ENAH: variants seen among roughly 807,000 people sequenced by gnomAD.
The protein encoded by ENAH is ENAH actin regulator.
Under a neutral mutation model 78.7 loss-of-function variants are expected in ENAH, and 23 were observed. That is an observed-to-expected ratio of 0.29 (90% CI 0.21 to 0.41). The LOEUF (loss-of-function observed/expected upper bound fraction) is 0.41. ENAH is among the 10% of genes least tolerant of loss of function. The pLI is 1.00. For missense variants in ENAH, 544 were observed against 691.0 expected (o/e 0.79, Z 2.39); for synonymous variants, 226 against 241.0 (o/e 0.94, Z 0.58).
rs949084105 is a variant in ENAH at position 225,562,903 on chromosome 1, G to A, written c.171+4346C>T. Among the ~76,000 whole-genome samples the A allele has an allele frequency of 2.0e-5, 3 of 151,420 alleles. No individual in the cohort carries two copies. The East Asian group carries it at 5.8e-4, about 29-fold the overall frequency. ...CAGAAGGATCACTTGAGCCCAGGAG[G>A]TCAAGGCTGCAGTGAGCTATGGTCA... On this transcript the variant is annotated intron_variant, in intron 2 of 13. Coordinates refer to ENST00000366843, the MANE Select transcript of ENAH (RefSeq NM_018212.6).
chr1:225,515,852 A>C (rs2096413375), intron 6 of ENAH, among the ~76,000 whole-genome samples: 5 of 152,244 alleles, frequency 3.3e-5, no homozygotes, highest in Admixed American at 3.3e-4. Flanking sequence ...CTGAGGGTAC[A>C]GCAGGTCACT....
intron 1 of ENAH, among the ~76,000 whole-genome samples, chr1:225,607,933 T>TA (rs2148077992): frequency 6.6e-6 from 1 of 152,028 alleles, no homozygotes; most frequent in Non-Finnish European, 1.5e-5. Context: ...GCTTTAAAAA[T>TA]AAAAACTTTT....
At chr1:225,614,834 A>G (rs957172857) in intron 1 of ENAH, among the ~76,000 whole-genome samples, 1 of 152,144 alleles carries the variant, frequency 6.6e-6, no homozygotes, top group African/African-American at 2.4e-5. Flanking sequence ...ACAATACCAC[A>G]TTTACCTATT....
chr1:225,553,388 G>T (rs1302002624), intron 3 of ENAH, among the ~76,000 whole-genome samples: 1 of 152,116 alleles, frequency 6.6e-6, no homozygotes, highest in Admixed American at 6.5e-5. Flanking sequence ...GGAACATTTA[G>T]TTTCCAATAT....
At chr1:225,644,745 C>G (rs1036523806) in intron 1 of ENAH, among the ~76,000 whole-genome samples, 1 of 152,162 alleles carries the variant, frequency 6.6e-6, no homozygotes, top group African/African-American at 2.4e-5. Context: ...TTCACATCAT[C>G]AGATGTATTC....
intron 1 of ENAH, among the ~76,000 whole-genome samples, chr1:225,636,791 T>TA (rs1308100638): frequency 6.6e-6 from 1 of 152,196 alleles, no homozygotes; most frequent in Non-Finnish European, 1.5e-5. Flanking sequence ...CCCAGCATGA[T>TA]ATAAAGTGTT....
At chr1:225,569,833 G>A (rs1484499432) in intron 1 of ENAH, among the ~76,000 whole-genome samples, 1 of 152,174 alleles carries the variant, frequency 6.6e-6, no homozygotes, top group Non-Finnish European at 1.5e-5. Flanking sequence ...TGTTATTGGA[G>A]AGGTAGTAAT....
chr1:225,560,600 T>A (rs2151463676), intron 2 of ENAH, among the ~76,000 whole-genome samples: 1 of 152,316 alleles, frequency 6.6e-6, no homozygotes, highest in East Asian at 1.9e-4. Flanking sequence ...TAGGCAGTTA[T>A]CCTGCCTCAG....
rs2096449939 is a variant in ENAH, at chr1:225,519,476, C to A, written c.524G>T (p.Arg175Met). ...CCTCTCCAGCCTTTCCCTTTCTAAC[C>A]TCTCTCTCTCCAACCTTTCTCTTTC... ...RMERERLERE[R>M]LERERLERER... The change falls in exon 5 of 14, where the codon AGG becomes ATG. Residue 175 changes from arginine to methionine, a missense_variant. By Grantham distance (91) the Arg-to-Met change is moderately conservative (BLOSUM62 -1). This residue lies in a region of ENAH where 366 missense variants were observed against 396.1 expected (regional missense o/e 0.92). Coordinates refer to ENST00000366843, the MANE Select transcript of ENAH (RefSeq NM_018212.6). 5 of 1,610,146 alleles carry A rather than the reference C, an allele frequency of 3.1e-6. No homozygotes were observed. The highest frequency in any genetic ancestry group is 4.2e-6 in the Non-Finnish European group (5 of 1,178,018).
At chr1:225,561,962 C>T (rs536973437) in intron 2 of ENAH, among the ~76,000 whole-genome samples, 1 of 152,250 alleles carries the variant, frequency 6.6e-6, no homozygotes, top group East Asian at 1.9e-4. Flanking sequence ...CCTCACTGTG[C>T]TCTATTTTAC....
chr1:225,632,625 T>C (rs1659301358), intron 1 of ENAH, among the ~76,000 whole-genome samples: 1 of 152,230 alleles, frequency 6.6e-6, no homozygotes, highest in Non-Finnish European at 1.5e-5. Context: ...AAGCACATTA[T>C]ATTTGCAAGC....
At chr1:225,574,285 G>A (rs184725445) in intron 1 of ENAH, among the ~76,000 whole-genome samples, 1 of 152,252 alleles carries the variant, frequency 6.6e-6, no homozygotes, top group Non-Finnish European at 1.5e-5. Flanking sequence ...TATAGTAAAA[G>A]TGGGCGAGAC....
intron 1 of ENAH, among the ~76,000 whole-genome samples, chr1:225,578,888 C>A (rs2096800918): frequency 6.6e-6 from 1 of 152,102 alleles, no homozygotes; most frequent in African/African-American, 2.4e-5. Flanking sequence ...AGACCTAAAT[C>A]CCAGAGACAA....
chr1:225,491,864 TATTA>T lies in ENAH; in HGVS notation c.*5907_*5910del, dbSNP rs2096223825. 1 of 152,212 alleles carries T rather than the reference TATTA, an allele frequency of 6.6e-6. No individual in the cohort carries two copies. The highest frequency in any genetic ancestry group is 2.1e-4 in the South Asian group (1 of 4,834). 9.4% of individuals were successfully genotyped at this position (152,212 alleles called of 1,614,324 possible). On this transcript the variant is annotated 3_prime_UTR_variant, in exon 14 of 14. Transcript: ENST00000366843. ...AACCTATAACATCATCCATCTCCTTTATTAGTTATTTCTTTATGCTTTTAGAATT... is the reference window on the plus strand; with the variant it reads ...AACCTATAACATCATCCATCTCCTTTGTTATTTCTTTATGCTTTTAGAATT...
At chr1:225,502,275 G>C (rs1345354108) in intron 11 of ENAH, among the ~76,000 whole-genome samples, 1 of 152,060 alleles carries the variant, frequency 6.6e-6, no homozygotes, top group African/African-American at 2.4e-5. Context: ...GCAGTGGTGC[G>C]ATCTTGGCTC....
chr1:225,592,221 A>G (rs1301801849), intron 1 of ENAH, among the ~76,000 whole-genome samples: 1 of 152,238 alleles, frequency 6.6e-6, no homozygotes, highest in Non-Finnish European at 1.5e-5. Flanking sequence ...ACCAAACAGT[A>G]CACCTTTAAC....
intron 3 of ENAH, among the ~76,000 whole-genome samples, chr1:225,544,614 C>T (rs894237454): frequency 8.5e-5 from 13 of 152,326 alleles, no homozygotes; most frequent in African/African-American, 2.9e-4. Context: ...ATCATTCCCA[C>T]CTTGGGGCAG....
In ENAH at chr1:225,514,876, G is replaced by A. The variant is rs149359910; in HGVS notation, c.938C>T (p.Pro313Leu). The A allele has an allele frequency of 3.7e-6, 6 of 1,609,804 alleles. No homozygotes were observed. In the African/African-American group the frequency reaches 5.4e-5, roughly 14 times the overall value. Residue 313 changes from proline to leucine, a missense_variant, in exon 7 of 14, where the codon CCT becomes CTT. Coordinates refer to ENST00000366843, the MANE Select transcript of ENAH (RefSeq NM_018212.6). ...QQGIVLGPLA[P>L]PPPPPLPPGP... ...TGGTGGGAGTGGTGGAGGAGGTGGA[G>A]GTGCAAGTGGTCCCAAGACAATGCC...
intron 3 of ENAH, among the ~76,000 whole-genome samples, chr1:225,535,920 T>C (rs2096559571): frequency 6.6e-6 from 1 of 152,132 alleles, no homozygotes; most frequent in Non-Finnish European, 1.5e-5. Context: ...CCAAGATCTG[T>C]GGCTATTAGT....
Sources: gnomAD v4.1 joint callset for allele counts (sites outside exome capture counted in the v4.1 genomes callset) on GRCh38, gnomAD v4.1.1 for gene constraint, gnomAD v4.1.1 regional missense constraint, MANE v1.5 for transcripts, NCBI Gene and HGNC (gene_info 2026-07-23, HGNC 2026-07-21) for gene names.